CARS2: variants seen among roughly 807,000 people sequenced by gnomAD.
The protein encoded by CARS2 is cysteinyl-tRNA synthetase 2, mitochondrial, also known as probable cysteine--tRNA ligase, mitochondrial.
A neutral mutation model predicts 68.8 loss-of-function variants in CARS2; 52 were observed. The observed-to-expected ratio is 0.76, with a 90% CI of 0.61 to 0.95. CARS2 has a LOEUF of 0.95. CARS2 is among the 40% of genes least tolerant of loss of function. The probability of loss-of-function intolerance (pLI) is 0.00; values close to 1 mark genes in which losing one functional copy is unlikely to be tolerated. For missense variants in CARS2, 780 were observed against 754.2 expected, an observed-to-expected ratio of 1.03 and a Z score of -0.40; for synonymous variants, 314 against 303.6, an observed-to-expected ratio of 1.03 and a Z score of -0.36.
intron 6 of CARS2, among the ~76,000 whole-genome samples, chr13:110,681,436 A>AT (rs895165834): frequency 2.0e-5 from 3 of 152,146 alleles, no homozygotes; most frequent in African/African-American, 7.2e-5. Flanking sequence ...ATAAGAAAAT[A>AT]TTTTTTATTT....
intron 1 of CARS2, among the ~76,000 whole-genome samples, chr13:110,711,731 G>A (rs980266236): frequency 6.6e-6 from 1 of 152,232 alleles, no homozygotes; most frequent in East Asian, 1.9e-4. Context: ...AGTGTAAAGA[G>A]TATCCATCCA....
chr13:110,712,894 C>A, intron 1 of CARS2: 1 of 1,470,446 alleles, frequency 6.8e-7, no homozygotes, highest in Non-Finnish European at 9.3e-7. Context: ...TACCGGGAGA[C>A]GACACAAAGG....
chr13:110,669,056 T>C (rs932482075), intron 7 of CARS2, among the ~76,000 whole-genome samples: 2 of 152,206 alleles, frequency 1.3e-5, no homozygotes, highest in African/African-American at 4.8e-5. Context: ...TACTTTTTTT[T>C]CATCAAAAGT....
At chr13:110,642,886 G>T (rs570429936) in intron 13 of CARS2, 9 of 489,914 alleles carry the variant, frequency 1.8e-5, no homozygotes, top group African/African-American at 1.7e-4. Flanking sequence ...ATGAGGCTGG[G>T]GGGCAGCGAC....
Position 110,647,790 on chromosome 13 carries a change from C to T in CARS2, c.1055-551G>A, listed in dbSNP as rs78796460. Reference sequence around the variant, plus strand: ...GCCAGTGTTTCTGTTTACATCTGTTCATTTCTTGTGGTTTCTAGTCTACTG... The same window carrying T: ...GCCAGTGTTTCTGTTTACATCTGTTTATTTCTTGTGGTTTCTAGTCTACTG... On this transcript the variant is annotated intron_variant, in intron 10 of 14. Transcript: ENST00000257347. Among the ~76,000 whole-genome samples the T allele has an allele frequency of 2.8e-3, 432 of 152,392 alleles. 1 individual carries two copies. The highest frequency in any genetic ancestry group is 9.9e-3 in the African/African-American group (412 of 41,596).
At chr13:110,700,612 A>T (rs146411007) in intron 3 of CARS2, among the ~76,000 whole-genome samples, 1 of 152,230 alleles carries the variant, frequency 6.6e-6, no homozygotes, top group African/African-American at 2.4e-5. Flanking sequence ...ATTTTTTAAT[A>T]TGGAATAAAA....
At chr13:110,644,179 C>T (rs1887782087) in intron 13 of CARS2, 1 of 1,461,176 alleles carries the variant, frequency 6.8e-7, no homozygotes, top group Non-Finnish European at 9.1e-7. Context: ...CGAGAGTTTG[C>T]CAACTGCAGA....
intron 1 of CARS2, chr13:110,712,778 G>A: frequency 1.4e-6 from 1 of 716,004 alleles, no homozygotes; most frequent in Non-Finnish European, 2.5e-6. Flanking sequence ...GAAGAGATAA[G>A]GCCTAGGGAA....
At position 110,675,968 on chromosome 13, in the gene CARS2, C is replaced by T. The variant is rs141640875; in HGVS notation, c.785+1006G>A. On this transcript the variant is annotated intron_variant, in intron 7 of 14. Transcript: ENST00000257347. ...GTCAGGAGATCGAGACCAGCCTGAC[C>T]AGCAGGGAGAAATCCCGTCTCTACT... Among the ~76,000 whole-genome samples the T allele has an allele frequency of 4.8e-4, 73 of 152,298 alleles. 1 individual carries two copies. In the East Asian group the frequency reaches 0.014, roughly 29 times the overall value.
chr13:110,650,753 C>A, intron 10 of CARS2: 1 of 368,752 alleles, frequency 2.7e-6, no homozygotes. Context: ...CAGCAGGAAG[C>A]CGAGGTGCTG....
rs1359484416 is a variant in CARS2, at chr13:110,677,038, A to C, written c.721T>G (p.Phe241Val). 5 of 1,610,112 alleles carry C rather than the reference A, an allele frequency of 3.1e-6. No individual in the cohort carries two copies. The African/African-American group carries it at 5.3e-5, about 17-fold the overall frequency. The change falls in exon 7 of 15, where the codon TTC becomes GTC. Residue 241 changes from phenylalanine (F) to valine (V), a missense_variant. By Grantham distance (50) the Phe-to-Val change is conservative. Transcript: ENST00000257347. ...LWKAAKPQEV[F>V]WASPWGPGRP... ...CCGGGTCCCCAGGGAGAGGCCCAGA[A>C]CACCTCCTGGGGTTTGGCCGCCTTC...
chr13:110,649,791 C>G (rs1174666695), intron 10 of CARS2, among the ~76,000 whole-genome samples: 1 of 152,146 alleles, frequency 6.6e-6, no homozygotes, highest in Non-Finnish European at 1.5e-5. Context: ...CTGTCACCAT[C>G]TCCAGAGGAC....
chr13:110,713,144 C>T, exon 1 of CARS2: 2 of 1,430,534 alleles, frequency 1.4e-6, no homozygotes, highest in Non-Finnish European at 1.8e-6. Flanking sequence ...CACGGTCTCC[C>T]CGCCTCCTCT....
chr13:110,651,931 G>A (rs1251300118), intron 9 of CARS2, among the ~76,000 whole-genome samples: 1 of 152,204 alleles, frequency 6.6e-6, no homozygotes, highest in Non-Finnish European at 1.5e-5. Context: ...TTCCACTGTG[G>A]CCCCAAGAAA....
intron 3 of CARS2, among the ~76,000 whole-genome samples, chr13:110,699,081 C>T (rs1229005676): frequency 6.6e-6 from 1 of 152,184 alleles, no homozygotes; most frequent in Admixed American, 6.5e-5. Flanking sequence ...TCTTTCTCTC[C>T]CCTTGACCTC....
intron 11 of CARS2, 80 bp downstream of exon 11, chr13:110,647,021 C>A: frequency 1.4e-6 from 2 of 1,455,718 alleles, no homozygotes; most frequent in Non-Finnish European, 1.8e-6. Flanking sequence ...GGGGGCCCCT[C>A]TTCCCCTTCA....
rs1325891000 is a variant in CARS2 at position 110,653,899 on chromosome 13, C to T, written c.988-2799G>A. 6.6e-6 allele frequency among the ~76,000 whole-genome samples: 1 copy of T among 152,214 alleles called. No homozygotes were observed. Among genetic ancestry groups the T allele is most frequent in the African/African-American group, 2.4e-5 (1 of 41,454 alleles). On this transcript the variant is annotated intron_variant, in intron 9 of 14. Transcript: ENST00000257347. The surrounding 1 kb of genome is among the most constrained non-coding windows in gnomAD (Gnocchi z 5.6). ...CCTGCTCTGTGCCGGCTGATATCAG[C>T]AAGTTTCTATACTACTCCGGTTCCA...
At chr13:110,683,817 G>C (rs2063220562) in intron 5 of CARS2, among the ~76,000 whole-genome samples, 1 of 152,120 alleles carries the variant, frequency 6.6e-6, no homozygotes, top group Non-Finnish European at 1.5e-5. Context: ...AAGAGTTCGA[G>C]ACCAGCCTGG....
rs558607156 is a variant in CARS2, at chr13:110,694,153, A to G, written c.394-6135T>C. 2.0e-5 allele frequency among the ~76,000 whole-genome samples: 3 copies of G among 151,878 alleles called. No individual in the cohort carries two copies. In the South Asian group the frequency reaches 6.3e-4, roughly 32 times the overall value. ...AGTGATTTTCTTGCCTCAGCTCCTG[A>G]GTAGCTGGGATTACAGGCATGCACC... On this transcript the variant is annotated intron_variant, in intron 3 of 14. Coordinates refer to ENST00000257347, the MANE Select transcript of CARS2 (RefSeq NM_024537.4).
Sources: allele counts gnomAD v4.1 joint callset (sites outside exome capture counted in the v4.1 genomes callset), GRCh38; gene constraint gnomAD v4.1.1; non-coding constraint Gnocchi (gnomAD v3.1); transcripts MANE v1.5; gene names NCBI Gene and HGNC (gene_info 2026-07-23, HGNC 2026-07-21).